Variants in CFAP299 observed in about 807,000 individuals in gnomAD.
The protein encoded by CFAP299 is cilia- and flagella-associated protein 299.
Under a neutral mutation model 27.0 loss-of-function variants are expected in CFAP299, and 21 were observed. That is an observed-to-expected ratio of 0.78 (90% CI 0.55 to 1.12). The LOEUF is 1.12. CFAP299 is among the 50% of genes most tolerant of loss of function. CFAP299 has a pLI of 0.00. For missense variants in CFAP299, 310 were observed against 276.6 expected, an observed-to-expected ratio of 1.12 and a Z score of -0.86; for synonymous variants, 104 against 98.1, an observed-to-expected ratio of 1.06 and a Z score of -0.36.
rs986519068 is a variant in CFAP299, at chr4:80,869,907, G to A, written c.334-86G>A. ...CTGCTTCCTATGGTCACTCATATTA[G>A]TGTTTTACATCATTCTATCCTATGG... On this transcript the variant is annotated intron_variant, in intron 3 of 5. Coordinates refer to ENST00000358105, the MANE Select transcript of CFAP299 (RefSeq NM_152770.3). 12 of 1,254,000 alleles carry A rather than the reference G, an allele frequency of 9.6e-6. No individual in the cohort carries two copies. In the Admixed American group the frequency reaches 2.1e-4, roughly 22 times the overall value. 77.7% of individuals were successfully genotyped at this position (1,254,000 alleles called of 1,614,324 possible).
intron 3 of CFAP299, among the ~76,000 whole-genome samples, chr4:80,789,203 C>A (rs1435873357): frequency 3.4e-5 from 5 of 147,952 alleles, no homozygotes; most frequent in Non-Finnish European, 7.4e-5. Context: ...TCTGTTCTGA[C>A]CTGTGTTTCT....
intron 3 of CFAP299, among the ~76,000 whole-genome samples, chr4:80,815,121 T>C (rs1402374758): frequency 6.6e-6 from 1 of 151,476 alleles, no homozygotes; most frequent in South Asian, 2.1e-4. Context: ...ATCCCTAAAA[T>C]GTAGCACAAA....
intron 4 of CFAP299, among the ~76,000 whole-genome samples, chr4:80,920,423 G>C (rs752030542): frequency 6.6e-6 from 1 of 152,060 alleles, no homozygotes; most frequent in African/African-American, 2.4e-5. Flanking sequence ...ACTGTACAAG[G>C]GGCAGAAGCT....
intron 2 of CFAP299, among the ~76,000 whole-genome samples, chr4:80,408,537 A>G (rs948119213): frequency 3.9e-5 from 6 of 151,970 alleles, no homozygotes; most frequent in African/African-American, 1.5e-4. Flanking sequence ...TTTGTTACCT[A>G]TATTTCAAGT....
At chr4:80,764,307 C>A (rs911449455) in intron 3 of CFAP299, among the ~76,000 whole-genome samples, 1 of 152,138 alleles carries the variant, frequency 6.6e-6, no homozygotes, top group African/African-American at 2.4e-5. Flanking sequence ...AGACACTTCT[C>A]AAAAGAAGAC....
intron 5 of CFAP299, among the ~76,000 whole-genome samples, chr4:80,961,327 A>G (rs1175707320): frequency 2.6e-5 from 4 of 151,924 alleles, no homozygotes; most frequent in Admixed American, 1.3e-4. Context: ...AACCAAAATT[A>G]TTACATTAGT....
rs1206327860 is a variant in CFAP299 at position 80,433,268 on chromosome 4, G to A, written c.242+70384G>A. 3.3e-5 allele frequency among the ~76,000 whole-genome samples: 5 copies of A among 152,092 alleles called. No homozygotes were observed. In the South Asian group the frequency reaches 1.0e-3, roughly 32 times the overall value. ...CCCTGTACTTGAGTAATTAAAACAAGCATTTTATGTGTATAGATGATACAT... is the reference window on the plus strand; with the variant it reads ...CCCTGTACTTGAGTAATTAAAACAAACATTTTATGTGTATAGATGATACAT... On this transcript the variant is annotated intron_variant, in intron 2 of 5. Transcript: ENST00000358105.
intron 3 of CFAP299, among the ~76,000 whole-genome samples, chr4:80,746,135 T>TGCAA (rs1724573714): frequency 6.6e-6 from 1 of 152,022 alleles, no homozygotes; most frequent in African/African-American, 2.4e-5. Flanking sequence ...ATTTGAGTCT[T>TGCAA]GTTTCAACCA....
At chr4:80,763,071 T>C (rs1725630275) in intron 3 of CFAP299, among the ~76,000 whole-genome samples, 1 of 152,104 alleles carries the variant, frequency 6.6e-6, no homozygotes. Flanking sequence ...ATGTACCCTC[T>C]GTAAAAGAGT....
intron 3 of CFAP299, among the ~76,000 whole-genome samples, chr4:80,664,957 C>T (rs770967787): frequency 1.3e-5 from 2 of 152,124 alleles, no homozygotes; most frequent in Admixed American, 1.3e-4. Flanking sequence ...CATGGTCCCT[C>T]GCAGCTTCCT....
At chr4:80,955,946 G>T (rs1578266773) in intron 5 of CFAP299, among the ~76,000 whole-genome samples, 1 of 152,208 alleles carries the variant, frequency 6.6e-6, no homozygotes, top group Admixed American at 6.5e-5. Flanking sequence ...ATTGCAGTGA[G>T]CTGAGATAGA....
chr4:80,748,007 T>C lies in CFAP299; in HGVS notation c.334-121986T>C, dbSNP rs572781735. Reference sequence around the variant, plus strand: ...AAGTAATATCTCTATTTAGATGTCTTACAGGTACCTGAAATCAAACATGTC... The same window carrying C: ...AAGTAATATCTCTATTTAGATGTCTCACAGGTACCTGAAATCAAACATGTC... On this transcript the variant is annotated intron_variant, in intron 3 of 5. Transcript: ENST00000358105. Among the ~76,000 whole-genome samples, 49 of 152,228 alleles carry C rather than the reference T, an allele frequency of 3.2e-4. No homozygotes were observed. In the Middle Eastern group the frequency reaches 0.014, roughly 42 times the overall value.
chr4:80,569,106 C>T (rs775387572), intron 2 of CFAP299, among the ~76,000 whole-genome samples: 23 of 152,030 alleles, frequency 1.5e-4, no homozygotes, highest in African/African-American at 3.4e-4. Flanking sequence ...CTTCCTACTC[C>T]GTCATTGTGG....
chr4:80,564,161 A>G (rs1735170938), intron 2 of CFAP299, among the ~76,000 whole-genome samples: 1 of 152,044 alleles, frequency 6.6e-6, no homozygotes, highest in Non-Finnish European at 1.5e-5. Flanking sequence ...GGAGGAGGGA[A>G]TACTTCCAAA....
chr4:80,746,779 G>A (rs1214717435), intron 3 of CFAP299, among the ~76,000 whole-genome samples: 1 of 151,994 alleles, frequency 6.6e-6, no homozygotes, highest in Non-Finnish European at 1.5e-5. Context: ...AGTGAAAATA[G>A]TAAGAGATAT....
intron 2 of CFAP299, among the ~76,000 whole-genome samples, chr4:80,481,776 G>C (rs962683506): frequency 6.6e-6 from 1 of 151,944 alleles, no homozygotes; most frequent in African/African-American, 2.4e-5. Flanking sequence ...ATATATTGGA[G>C]CTATTATATG....
chr4:80,908,886 A>C (rs887855868), intron 4 of CFAP299, among the ~76,000 whole-genome samples: 1 of 152,044 alleles, frequency 6.6e-6, no homozygotes, highest in African/African-American at 2.4e-5. Context: ...CATGTTAAAC[A>C]CACACACATA....
chr4:80,849,276 T>C (rs1382202353), intron 3 of CFAP299, among the ~76,000 whole-genome samples: 4 of 152,142 alleles, frequency 2.6e-5, no homozygotes, highest in African/African-American at 9.7e-5. Context: ...CTAGGCGATA[T>C]GAAATTTTCA....
At chr4:80,577,525 C>T (rs1202546713) in intron 2 of CFAP299, among the ~76,000 whole-genome samples, 1 of 151,324 alleles carries the variant, frequency 6.6e-6, no homozygotes, top group Admixed American at 6.6e-5. Context: ...GCCTCAGCCT[C>T]CAGAGTACCT....
Sources: gnomAD v4.1 joint callset for allele counts (sites outside exome capture counted in the v4.1 genomes callset) on GRCh38, gnomAD v4.1.1 for gene constraint, MANE v1.5 for transcripts, NCBI Gene and HGNC (gene_info 2026-07-23, HGNC 2026-07-21) for gene names.